Variants in CNBD1 observed in about 807,000 individuals in gnomAD.
The protein encoded by CNBD1 is cyclic nucleotide-binding domain-containing protein 1.
Under a neutral mutation model 54.4 loss-of-function variants are expected in CNBD1, and 71 were observed. The observed-to-expected ratio is 1.30, with a 90% CI of 1.08 to 1.59. CNBD1 has a LOEUF of 1.59. CNBD1 is among the 40% of genes most tolerant of loss of function. The pLI is 0.00. For synonymous variants in CNBD1, 182 were observed against 170.7 expected, an observed-to-expected ratio of 1.07 and a Z score of -0.51; for missense variants, 659 against 518.0, an observed-to-expected ratio of 1.27 and a Z score of -2.64.
chr8:87,391,022 A>G (rs1811297806), intron 2 of CNBD1, among the ~76,000 whole-genome samples: 1 of 146,654 alleles, frequency 6.8e-6, no homozygotes, highest in South Asian at 2.4e-4. Flanking sequence ...GTTCTCACTC[A>G]TAGGTGGGAA....
At position 87,182,655 on chromosome 8, in the gene CNBD1, C is replaced by A. The variant is rs939418161; in HGVS notation, c.432-23338C>A. On this transcript the variant is annotated intron_variant, in intron 4 of 10. Coordinates refer to ENST00000518476, the MANE Select transcript of CNBD1 (RefSeq NM_173538.3). The surrounding 1 kb of genome is among the most constrained non-coding windows in gnomAD (Gnocchi z 4.1). ...TTCTCTAATAGCTGGTGATGTTGAG[C>A]ATTTTTTCATATGTTTGCTGCCTGA... 6.6e-6 allele frequency among the ~76,000 whole-genome samples: 1 copy of A among 151,912 alleles called. No homozygotes were observed. The highest frequency in any genetic ancestry group is 1.5e-5 in the Non-Finnish European group (1 of 67,964).
At chr8:87,134,418 G>A (rs1586279418) in intron 4 of CNBD1, among the ~76,000 whole-genome samples, 1 of 152,022 alleles carries the variant, frequency 6.6e-6, no homozygotes, top group African/African-American at 2.4e-5. Flanking sequence ...TCTTTCAGTT[G>A]CTTTGTTTCT....
chr8:86,986,646 G>A (rs1179031009), intron 4 of CNBD1, among the ~76,000 whole-genome samples: 1 of 152,102 alleles, frequency 6.6e-6, no homozygotes, highest in South Asian at 2.1e-4. Context: ...ATAGTTTGAG[G>A]TATTACATTT....
chr8:87,209,163 G>A (rs1814040190), intron 5 of CNBD1, among the ~76,000 whole-genome samples: 1 of 152,022 alleles, frequency 6.6e-6, no homozygotes, highest in African/African-American at 2.4e-5. Context: ...AGAAACCCAG[G>A]AAAGGAAGGC....
chr8:86,943,866 G>T (rs1241514311), intron 4 of CNBD1, among the ~76,000 whole-genome samples: 1 of 152,010 alleles, frequency 6.6e-6, no homozygotes, highest in Non-Finnish European at 1.5e-5. Context: ...CAGAATAGAA[G>T]AACAACAACT....
intron 8 of CNBD1, among the ~76,000 whole-genome samples, chr8:87,335,038 T>C (rs1419832012): frequency 6.6e-6 from 1 of 152,194 alleles, no homozygotes; most frequent in Non-Finnish European, 1.5e-5. Flanking sequence ...TTCTTGATCC[T>C]GAGTTCTAAT....
At chr8:87,368,528 CT>C (rs1418669541) in intron 10 of CNBD1, among the ~76,000 whole-genome samples, 1 of 151,652 alleles carries the variant, frequency 6.6e-6, no homozygotes, top group African/African-American at 2.4e-5. Flanking sequence ...GTCCCAGCTA[CT>C]TGGTGGACTA....
At position 87,182,837 on chromosome 8, in the gene CNBD1, G is replaced by A. The variant is rs1410145932; in HGVS notation, c.432-23156G>A. On this transcript the variant is annotated intron_variant, in intron 4 of 10. Transcript: ENST00000518476. This position sits in a 1 kb window ranked among gnomAD's most constrained non-coding sequence, Gnocchi z 4.1. ...GTTTGCAAGTATTTTCTCCCATTTA[G>A]TAGGTTTTCTGCCTATTCAGCTGAT... 6.6e-6 allele frequency among the ~76,000 whole-genome samples: 1 copy of A among 152,110 alleles called. No homozygotes were observed. Among genetic ancestry groups the A allele is most frequent in the African/African-American group, 2.4e-5 (1 of 41,418 alleles).
chr8:87,287,145 T>A (rs1808714441), intron 8 of CNBD1, among the ~76,000 whole-genome samples: 1 of 152,188 alleles, frequency 6.6e-6, no homozygotes. Flanking sequence ...GAGGCCTAGA[T>A]AAGAGAAAGC....
At chr8:87,170,298 GT>G (rs199592883) in intron 4 of CNBD1, among the ~76,000 whole-genome samples, 2,772 of 152,156 alleles carry the variant, frequency 0.018, 75 homozygotes, top group African/African-American at 0.063. Flanking sequence ...AGTTCTAATA[GT>G]TTTTTGGCAG....
chr8:87,387,983 A>C (rs1413574530), intron 2 of CNBD1, among the ~76,000 whole-genome samples: 1 of 152,186 alleles, frequency 6.6e-6, no homozygotes, highest in African/African-American at 2.4e-5. Flanking sequence ...ATGGAAACTG[A>C]ACAACCTGCT....
chr8:87,369,748 T>C (rs1382195609), intron 10 of CNBD1, among the ~76,000 whole-genome samples: 4 of 152,026 alleles, frequency 2.6e-5, no homozygotes, highest in Non-Finnish European at 5.9e-5. Context: ...TATTATACTT[T>C]AAGTTTTAGG....
At chr8:87,426,144 C>T (rs920371556) in intron 2 of CNBD1, among the ~76,000 whole-genome samples, 5 of 152,230 alleles carry the variant, frequency 3.3e-5, no homozygotes, top group Non-Finnish European at 5.9e-5. Context: ...CCTTGTGCTT[C>T]CTGAGTGAGG....
intron 4 of CNBD1, among the ~76,000 whole-genome samples, chr8:87,152,042 A>G (rs1812614880): frequency 6.6e-6 from 1 of 152,188 alleles, no homozygotes; most frequent in Admixed American, 6.5e-5. Flanking sequence ...AGTTGAGGCT[A>G]GAATATAAAA....
chr8:87,334,572 G>A (rs898796949), intron 8 of CNBD1, among the ~76,000 whole-genome samples: 2 of 97,824 alleles, frequency 2.0e-5, no homozygotes, highest in South Asian at 2.5e-4. Context: ...ATTCTGGTAT[G>A]TTTTTCTGTT....
intron 4 of CNBD1, among the ~76,000 whole-genome samples, chr8:87,022,421 T>A (rs1191038655): frequency 1.3e-5 from 2 of 152,196 alleles, no homozygotes; most frequent in African/African-American, 2.4e-5. Context: ...TTAGCAGTCA[T>A]CTGTAATACA....
chr8:87,386,502 G>T (rs1402712407), downstream of CNBD1, among the ~76,000 whole-genome samples: 2 of 152,166 alleles, frequency 1.3e-5, no homozygotes, highest in Admixed American at 1.3e-4. Flanking sequence ...TCAACTGGAA[G>T]AATGGGTATC....
chr8:87,050,049 A>C (rs1159112845), intron 4 of CNBD1, among the ~76,000 whole-genome samples: 1 of 152,208 alleles, frequency 6.6e-6, no homozygotes, highest in African/African-American at 2.4e-5. Context: ...TGCTTTAAGT[A>C]AGGCTTGCTT....
intron 2 of CNBD1, among the ~76,000 whole-genome samples, chr8:87,391,464 C>CT (rs150441605): frequency 0.015 from 2,315 of 152,178 alleles, 67 homozygotes; most frequent in African/African-American, 0.053. Flanking sequence ...TCAAAACTGA[C>CT]TACAAAGTGT....
Sources: allele counts gnomAD v4.1 joint callset (sites outside exome capture counted in the v4.1 genomes callset), GRCh38; gene constraint gnomAD v4.1.1; non-coding constraint Gnocchi (gnomAD v3.1); transcripts MANE v1.5; gene names NCBI Gene and HGNC (gene_info 2026-07-23, HGNC 2026-07-21).